Variants in SMIM45 observed in about 807,000 individuals in gnomAD.
SMIM45 encodes the protein long intergenic non-protein coding RNA 634.
At chr22:41,950,198 A>T in the SMIM45 span, among the ~76,000 whole-genome samples, 2 of 152,206 alleles carry the variant, frequency 1.3e-5, no homozygotes, top group Non-Finnish European at 2.9e-5. Context: ...CATGGATCAC[A>T]TACTTTACAG....
the SMIM45 span, among the ~76,000 whole-genome samples, chr22:41,957,375 T>G: frequency 1.6e-3 from 212 of 135,272 alleles, 3 homozygotes; most frequent in African/African-American, 5.3e-3. Flanking sequence ...TTTTTTTTTT[T>G]GTATTTTTAA....
At chr22:41,950,969 C>T in the SMIM45 span, among the ~76,000 whole-genome samples, 11 of 152,152 alleles carry the variant, frequency 7.2e-5, no homozygotes, top group Non-Finnish European at 1.2e-4. Flanking sequence ...TCCAGCCTGG[C>T]GAACACAGCG....
the SMIM45 span, among the ~76,000 whole-genome samples, chr22:41,953,619 G>A: frequency 2.6e-5 from 4 of 152,202 alleles, no homozygotes; most frequent in Admixed American, 6.5e-5. Flanking sequence ...TCTACCTGCC[G>A]GGCAGGCAGA....
At chr22:41,947,568 A>C in the SMIM45 span, among the ~76,000 whole-genome samples, 1 of 151,618 alleles carries the variant, frequency 6.6e-6, no homozygotes, top group African/African-American at 2.4e-5. Context: ...GGGTTTCTCC[A>C]AGTTGCCCAG....
At chr22:41,951,967 C>T in the SMIM45 span, among the ~76,000 whole-genome samples, 1 of 152,240 alleles carries the variant, frequency 6.6e-6, no homozygotes, top group Non-Finnish European at 1.5e-5. Flanking sequence ...TTCCCCCTCC[C>T]CGCACTCCCC....
the SMIM45 span, chr22:41,947,062 C>T: frequency 1.2e-6 from 2 of 1,612,932 alleles, no homozygotes; most frequent in East Asian, 2.2e-5. Flanking sequence ...TGTCCAGGGG[C>T]CTCAACACCG....
the SMIM45 span, chr22:41,958,539 G>A: frequency 5.3e-6 from 2 of 373,916 alleles, no homozygotes; most frequent in Non-Finnish European, 1.1e-5. Context: ...ATGGGGAGAT[G>A]AGATGTGTAT....
the SMIM45 span, chr22:41,958,461 TGG>T: frequency 2.1e-5 from 9 of 421,574 alleles, no homozygotes; most frequent in Admixed American, 1.0e-4. Flanking sequence ...GATAAGACCG[TGG>T]TAGAGGAGAG....
the SMIM45 span, chr22:41,952,313 C>G: frequency 6.6e-6 from 1 of 152,492 alleles, no homozygotes; most frequent in Non-Finnish European, 1.5e-5. Context: ...ATGGCAGTGT[C>G]TCTGGGGACA....
At chr22:41,956,940 C>T in the SMIM45 span, among the ~76,000 whole-genome samples, 1 of 152,168 alleles carries the variant, frequency 6.6e-6, no homozygotes, top group Non-Finnish European at 1.5e-5. Flanking sequence ...GCCATCATGC[C>T]CGGCTAATTT....
chr22:41,953,059 C>T, the SMIM45 span, among the ~76,000 whole-genome samples: 3 of 152,190 alleles, frequency 2.0e-5, no homozygotes, highest in Non-Finnish European at 4.4e-5. Context: ...CTCCCCTGCC[C>T]TGGCTGCACT....
the SMIM45 span, among the ~76,000 whole-genome samples, chr22:41,953,615 TGCCGG>T: frequency 1.3e-5 from 2 of 152,128 alleles, no homozygotes; most frequent in Non-Finnish European, 1.5e-5. Context: ...GTGCTCTACC[TGCCGG>T]GCAGGCAGAG....
chr22:41,958,381 C>T, the SMIM45 span: 1 of 456,588 alleles, frequency 2.2e-6, no homozygotes, highest in Admixed American at 2.3e-5. Flanking sequence ...TCAGCTTGGG[C>T]CAGACCAGCC....
chr22:41,951,902 C>T, the SMIM45 span, among the ~76,000 whole-genome samples: 4 of 152,206 alleles, frequency 2.6e-5, no homozygotes, highest in Non-Finnish European at 5.9e-5. Flanking sequence ...TTATCAGCCA[C>T]GGTCCTCTCC....
chr22:41,954,544 A>C, the SMIM45 span, among the ~76,000 whole-genome samples: 1 of 152,216 alleles, frequency 6.6e-6, no homozygotes, highest in Non-Finnish European at 1.5e-5. Context: ...GAATTTGCCA[A>C]GTGAACAAGA....
the SMIM45 span, among the ~76,000 whole-genome samples, chr22:41,957,181 C>CTT: frequency 0.13 from 7,743 of 59,206 alleles, 2,278 homozygotes; most frequent in African/African-American, 0.31. Context: ...ACCACGTGGT[C>CTT]TTTTTTTTTT....
At chr22:41,958,461 T>TGGTAGAGGAGAGGAGGAGAGGAGAGGA in the SMIM45 span, 1 of 421,666 alleles carries the variant, frequency 2.4e-6, no homozygotes, top group Non-Finnish European at 4.7e-6. Context: ...GATAAGACCG[T>TGGTAGAGGAGAGGAGGAGAGGAGAGGA]GGTAGAGGAG....
At chr22:41,947,205 G>A in the SMIM45 span, 2 of 825,346 alleles carry the variant, frequency 2.4e-6, no homozygotes, top group Admixed American at 4.5e-5. Flanking sequence ...GGACGGGACG[G>A]GGCCTCTTAA....
the SMIM45 span, among the ~76,000 whole-genome samples, chr22:41,955,389 G>T: frequency 6.6e-6 from 1 of 152,096 alleles, no homozygotes; most frequent in African/African-American, 2.4e-5. Flanking sequence ...ATGTTGGTCA[G>T]GCTGGTCTTG....
Sources: allele counts gnomAD v4.1 joint callset (sites outside exome capture counted in the v4.1 genomes callset), GRCh38; gene constraint gnomAD v4.1.1; transcripts MANE v1.5; gene names NCBI Gene and HGNC (gene_info 2026-07-23, HGNC 2026-07-21).